The following TCF7L2 variants were observed in gnomAD, a reference collection of about 807,000 sequenced individuals.
TCF7L2 encodes transcription factor 7 like 2, also known as transcription factor 7-like 2.
Under a neutral mutation model 77.9 loss-of-function variants are expected in TCF7L2, and 23 were observed. The ratio of observed to expected loss-of-function variants is 0.30; its 90% confidence interval spans 0.21 to 0.42. TCF7L2 has a LOEUF of 0.42. Among genes scored for constraint, TCF7L2 ranks in the 10% least tolerant of loss-of-function variants. The pLI, the probability that TCF7L2 is intolerant of heterozygous loss-of-function variation, is 1.00. For missense variants in TCF7L2, 654 were observed against 793.1 expected (o/e 0.82, Z 2.11); for synonymous variants, 413 against 340.2 (o/e 1.21, Z -2.36).
At chr10:112,983,468 C>G (rs1452501396) in intron 4 of TCF7L2, among the ~76,000 whole-genome samples, 1 of 152,042 alleles carries the variant, frequency 6.6e-6, no homozygotes, top group African/African-American at 2.4e-5. Context: ...GAGCGAGACT[C>G]TGTCTCAAAT....
rs375014425 is a variant in TCF7L2, at chr10:112,964,560, A to G, written c.386A>G (p.His129Arg). The stretch of plus-strand genomic sequence containing the variant: ...TGATTTGGTTTCTTTCTACAGCTCC[A>G]TTTTCAGTCCGGCAGCACACATTAC... The change falls in exon 4 of 14, where the codon CAT becomes CGT. Residue 129 changes from histidine (H) to arginine (R), a missense_variant. Around this residue, in one of 6 missense-constraint regions of TCF7L2, gnomAD observed 132 missense variants for 123.7 expected, o/e 1.07. Transcript: ENST00000627217. 4 of 1,613,212 alleles carry G rather than the reference A, an allele frequency of 2.5e-6. No homozygotes were observed. The highest frequency in any genetic ancestry group is 3.4e-6 in the Non-Finnish European group (4 of 1,179,478).
chr10:113,166,180 G>T lies in TCF7L2; in HGVS notation c.*208G>T, dbSNP rs1330359932. On this transcript the variant is annotated 3_prime_UTR_variant, in exon 14 of 14. Transcript: ENST00000627217. ...CCTTTTAAATATGTAGATGAGAGAA[G>T]AACCTCATGATTCTACCAAAATTTT... 2.2e-6 allele frequency: 1 copy of T among 445,510 alleles called. No homozygotes were observed. The highest frequency in any genetic ancestry group is 3.7e-6 in the Non-Finnish European group (1 of 270,862). 27.6% of individuals were successfully genotyped at this position (445,510 alleles called of 1,614,324 possible).
At chr10:113,067,057 TGTAA>T (rs1239621454) in intron 5 of TCF7L2, among the ~76,000 whole-genome samples, 1 of 152,262 alleles carries the variant, frequency 6.6e-6, no homozygotes, top group Admixed American at 6.5e-5. Flanking sequence ...TTAACCTTAC[TGTAA>T]GTGTGATGCA....
intron 11 of TCF7L2, among the ~76,000 whole-genome samples, chr10:113,156,275 C>T (rs1332557941): frequency 6.6e-6 from 1 of 152,154 alleles, no homozygotes; most frequent in Non-Finnish European, 1.5e-5. Context: ...CCACCACGCC[C>T]AGCTAATTTT....
intron 4 of TCF7L2, among the ~76,000 whole-genome samples, chr10:112,966,184 TTA>T (rs141060651): frequency 0.47 from 53,475 of 114,024 alleles, 13,847 homozygotes; most frequent in Admixed American, 0.52. Flanking sequence ...TAAAATATAT[TTA>T]TATATATATA....
At chr10:113,062,438 T>A (rs1451076851) in intron 5 of TCF7L2, among the ~76,000 whole-genome samples, 1 of 152,150 alleles carries the variant, frequency 6.6e-6, no homozygotes, top group Non-Finnish European at 1.5e-5. Flanking sequence ...AGCCCTTAGG[T>A]CTAACACAGT....
intron 4 of TCF7L2, among the ~76,000 whole-genome samples, chr10:112,990,592 A>G (rs1014704225): frequency 1.3e-5 from 2 of 152,212 alleles, no homozygotes; most frequent in Non-Finnish European, 2.9e-5. Flanking sequence ...CTGTAGTCCC[A>G]GCTACTGGGG....
chr10:113,089,137 A>G (rs2060120514), intron 5 of TCF7L2, among the ~76,000 whole-genome samples: 2 of 152,134 alleles, frequency 1.3e-5, no homozygotes, highest in Admixed American at 1.3e-4. Flanking sequence ...CATTAGGAGA[A>G]TGGTGGGTAG....
intron 5 of TCF7L2, among the ~76,000 whole-genome samples, chr10:113,092,864 G>T (rs1271531348): frequency 6.6e-6 from 1 of 152,078 alleles, no homozygotes; most frequent in Non-Finnish European, 1.5e-5. Flanking sequence ...GACTCCCTCG[G>T]CTGGGGGGGT....
At chr10:113,153,025 G>A (rs1421640084) in intron 11 of TCF7L2, among the ~76,000 whole-genome samples, 1 of 152,214 alleles carries the variant, frequency 6.6e-6, no homozygotes, top group African/African-American at 2.4e-5. Context: ...CCTTTGGCAG[G>A]ATGCATGAAC....
chr10:113,052,719 T>G (rs1464522800), intron 5 of TCF7L2, among the ~76,000 whole-genome samples: 1 of 152,198 alleles, frequency 6.6e-6, no homozygotes, highest in African/African-American at 2.4e-5. Flanking sequence ...TGGACCAAGC[T>G]TGAACTGCGG....
intron 5 of TCF7L2, among the ~76,000 whole-genome samples, chr10:113,117,904 C>G (rs1044329259): frequency 2.6e-5 from 4 of 152,148 alleles, no homozygotes; most frequent in African/African-American, 9.7e-5. Context: ...GAAGTTGCGT[C>G]GCCTCCCTCC....
chr10:113,164,529 C>T (rs1025763236), intron 13 of TCF7L2, among the ~76,000 whole-genome samples: 1 of 151,858 alleles, frequency 6.6e-6, no homozygotes, highest in Non-Finnish European at 1.5e-5. Flanking sequence ...CTCCATCCAT[C>T]CCATCCTCAC....
At chr10:113,008,550 G>T (rs563668945) in intron 4 of TCF7L2, among the ~76,000 whole-genome samples, 9 of 152,266 alleles carry the variant, frequency 5.9e-5, no homozygotes, top group African/African-American at 2.2e-4. Context: ...TATACTACCT[G>T]TGCTATTATT....
At chr10:113,150,936 A>G (rs2137122123) in intron 8 of TCF7L2, 62 bp from the exon 9 acceptor site, 1 of 1,601,640 alleles carries the variant, frequency 6.2e-7, no homozygotes, top group Non-Finnish European at 8.5e-7. Flanking sequence ...AATTGTGTGT[A>G]CACATCCCTC....
chr10:113,041,309 T>C (rs2052398048), intron 5 of TCF7L2, among the ~76,000 whole-genome samples: 1 of 152,212 alleles, frequency 6.6e-6, no homozygotes, highest in Non-Finnish European at 1.5e-5. Context: ...GCTTCCCCTT[T>C]CCTCTAACTC....
intron 5 of TCF7L2, among the ~76,000 whole-genome samples, chr10:113,049,845 T>G (rs1434627646): frequency 1.3e-5 from 2 of 152,206 alleles, no homozygotes; most frequent in Non-Finnish European, 2.9e-5. Context: ...GCACTGGCCA[T>G]GCTTCGAGTG....
chr10:112,999,425 T>C (rs114116865), intron 4 of TCF7L2, among the ~76,000 whole-genome samples: 2,247 of 152,310 alleles, frequency 0.015, 65 homozygotes, highest in African/African-American at 0.051. Flanking sequence ...GTCCTTCTTA[T>C]TATATAATAG....
In TCF7L2 at chr10:113,165,653, C is replaced by G; in HGVS notation, c.1490C>G (p.Pro497Arg). Residue 497 changes from proline to arginine, a missense_variant, in exon 14 of 14, where the codon CCG (proline) becomes CGG (arginine). Around this residue, in one of 6 missense-constraint regions of TCF7L2, gnomAD observed 272 missense variants for 215.4 expected, o/e 1.26. Transcript: ENST00000627217. ...TTACTAGATTCGCCTCCCCCCTCCC[C>G]GAACCTGCTAGGCTCCCCTCCCCGA... 6.2e-7 allele frequency: 1 copy of G among 1,611,734 alleles called. No homozygotes were observed. Among genetic ancestry groups the G allele is most frequent in the Non-Finnish European group, 8.5e-7 (1 of 1,178,856 alleles).
Sources: gnomAD v4.1 joint callset for allele counts (sites outside exome capture counted in the v4.1 genomes callset) on GRCh38, gnomAD v4.1.1 for gene constraint, gnomAD v4.1.1 regional missense constraint, MANE v1.5 for transcripts, NCBI Gene and HGNC (gene_info 2026-07-23, HGNC 2026-07-21) for gene names.